The following NT5DC1 variants were observed in gnomAD, a reference collection of about 807,000 sequenced individuals.
NT5DC1 encodes the protein 5'-nucleotidase domain containing 1.
NT5DC1 carries 42 observed loss-of-function variants against 59.4 expected under a neutral mutation model. The ratio of observed to expected loss-of-function variants is 0.71; its 90% CI spans 0.55 to 0.92. NT5DC1 has a LOEUF of 0.92. NT5DC1 is among the 40% of genes least tolerant of loss of function. The probability of loss-of-function intolerance (pLI) is 0.00; values close to 1 mark genes in which losing one functional copy is unlikely to be tolerated. For synonymous variants in NT5DC1, 172 were observed against 188.1 expected (o/e 0.91, Z 0.70); for missense variants, 501 against 537.1 (o/e 0.93, Z 0.66).
chr6:116,186,674 G>T (rs527813029), intron 6 of NT5DC1, among the ~76,000 whole-genome samples: 18 of 152,066 alleles, frequency 1.2e-4, no homozygotes, highest in Non-Finnish European at 2.5e-4. Context: ...CTGTTGCTGC[G>T]AGTTTCCAGT....
intron 8 of NT5DC1, among the ~76,000 whole-genome samples, chr6:116,229,139 A>C (rs1781961196): frequency 1.3e-5 from 2 of 152,176 alleles, no homozygotes; most frequent in African/African-American, 2.4e-5. Context: ...CATTTTAGTT[A>C]CTTTTCCAAG....
intron 6 of NT5DC1, chr6:116,120,771 C>T: frequency 6.2e-7 from 1 of 1,613,090 alleles, no homozygotes; most frequent in East Asian, 2.2e-5. Flanking sequence ...CCTCTAGTAC[C>T]TGGTATTCCA....
Position 116,221,160 on chromosome 6 carries a change from G to A in NT5DC1, c.636G>A (p.Gly212=), listed in dbSNP as rs548585172. Reference sequence around the variant, plus strand: ...GGCTTCGACAGCTAAAGAATGCTGGGAAAATTCTTCTGTTAATTACCAGTT... The same window carrying A: ...GGCTTCGACAGCTAAAGAATGCTGGAAAAATTCTTCTGTTAATTACCAGTT... ...KKWLRQLKNA[G]KILLLITSSH... is the part of the protein sequence containing the mutation. The change falls in exon 7 of 12, where the codon GGG becomes GGA. Residue 212 remains glycine (G), a synonymous_variant. Coordinates refer to ENST00000319550, the MANE Select transcript of NT5DC1 (RefSeq NM_152729.3). The A allele has an allele frequency of 1.4e-5, 22 of 1,594,476 alleles. No homozygotes were observed. The highest frequency in any genetic ancestry group is 1.8e-5 in the Non-Finnish European group (21 of 1,162,496).
rs528298404 is a variant in NT5DC1 at position 116,159,931 on chromosome 6, C to T, written c.529+41986C>T. On this transcript the variant is annotated intron_variant, in intron 6 of 11. Coordinates refer to ENST00000319550, the MANE Select transcript of NT5DC1 (RefSeq NM_152729.3). ...GCCTCCAGCTCTATCCATGTTGTTG[C>T]AAAGGACACAATTTCATTACTTTTT... Among the ~76,000 whole-genome samples the T allele has an allele frequency of 2.6e-5, 4 of 152,252 alleles. No individual in the cohort carries two copies. The East Asian group carries it at 7.7e-4, about 29-fold the overall frequency.
Position 116,133,538 on chromosome 6 carries a change from G to C in NT5DC1, c.529+15593G>C, listed in dbSNP as rs1017058137. On this transcript the variant is annotated intron_variant, in intron 6 of 11. Transcript: ENST00000319550. ...CCTATAGGGCACCTGAGTACCTGTA[G>C]GGTCTGTGTGGCAACACAGACCACC... 3.3e-5 allele frequency among the ~76,000 whole-genome samples: 5 copies of C among 152,054 alleles called. No homozygotes were observed. The East Asian group carries it at 7.7e-4, about 23-fold the overall frequency.
At chr6:116,164,935 T>TA (rs1384020319) in intron 6 of NT5DC1, among the ~76,000 whole-genome samples, 1 of 151,426 alleles carries the variant, frequency 6.6e-6, no homozygotes, top group Non-Finnish European at 1.5e-5. Flanking sequence ...AATAAATAAA[T>TA]AAAATACAAA....
chr6:116,129,134 A>T (rs1409971187), intron 6 of NT5DC1, among the ~76,000 whole-genome samples: 1 of 152,080 alleles, frequency 6.6e-6, no homozygotes, highest in African/African-American at 2.4e-5. Context: ...TTTTTTCTTT[A>T]AAACAATGTC....
At chr6:116,132,805 C>T (rs553234021) in intron 6 of NT5DC1, among the ~76,000 whole-genome samples, 10 of 152,008 alleles carry the variant, frequency 6.6e-5, no homozygotes, top group African/African-American at 1.9e-4. Context: ...GGAAAAGTGC[C>T]GAGAAGTTTA....
intron 6 of NT5DC1, chr6:116,120,886 A>T (rs1476515377): frequency 6.2e-7 from 1 of 1,613,514 alleles, no homozygotes; most frequent in African/African-American, 1.3e-5. Context: ...CTCCAGGATC[A>T]CCTTTTGGAC....
intron 5 of NT5DC1, among the ~76,000 whole-genome samples, chr6:116,117,447 G>C (rs760399809): frequency 6.6e-6 from 1 of 152,092 alleles, no homozygotes; most frequent in Non-Finnish European, 1.5e-5. Flanking sequence ...TTATGATGGG[G>C]TTTTTTCCTG....
chr6:116,214,240 T>C (rs571165101), intron 6 of NT5DC1, among the ~76,000 whole-genome samples: 79 of 152,234 alleles, frequency 5.2e-4, no homozygotes, highest in African/African-American at 1.8e-3. Context: ...GAATGTCAAA[T>C]AGTACACTGA....
At chr6:116,112,685 G>A (rs1212698661) in intron 4 of NT5DC1, among the ~76,000 whole-genome samples, 1 of 152,110 alleles carries the variant, frequency 6.6e-6, no homozygotes. Context: ...GTTGTATCTG[G>A]TGTTTCACCA....
At chr6:116,124,853 G>A (rs757219733) in intron 6 of NT5DC1, among the ~76,000 whole-genome samples, 7 of 152,068 alleles carry the variant, frequency 4.6e-5, no homozygotes, top group African/African-American at 1.7e-4. Context: ...TTCATTGTTG[G>A]GGGGGAGGCC....
chr6:116,174,879 A>T (rs1398512565), intron 6 of NT5DC1, among the ~76,000 whole-genome samples: 1 of 152,190 alleles, frequency 6.6e-6, no homozygotes, highest in Non-Finnish European at 1.5e-5. Flanking sequence ...AAGCCATTTT[A>T]GGATAGCAAG....
intron 9 of NT5DC1, chr6:116,237,691 G>A: frequency 3.1e-6 from 1 of 325,656 alleles, no homozygotes; most frequent in South Asian, 2.6e-5. Flanking sequence ...AGACTACCTA[G>A]GGAACTTTCC....
chr6:116,138,919 GGTAA>G (rs1262297160), intron 6 of NT5DC1, among the ~76,000 whole-genome samples: 2 of 152,034 alleles, frequency 1.3e-5, no homozygotes, highest in Non-Finnish European at 2.9e-5. Flanking sequence ...TTCTCACATT[GGTAA>G]GTGTTAGTTT....
At chr6:116,197,555 T>C (rs575746097) in intron 6 of NT5DC1, among the ~76,000 whole-genome samples, 1 of 152,136 alleles carries the variant, frequency 6.6e-6, no homozygotes, top group East Asian at 1.9e-4. Flanking sequence ...TTTTAGTTGC[T>C]GTAGTGCAGA....
intron 8 of NT5DC1, among the ~76,000 whole-genome samples, chr6:116,230,797 G>A (rs1782003996): frequency 6.6e-6 from 1 of 152,176 alleles, no homozygotes; most frequent in Non-Finnish European, 1.5e-5. Context: ...GAAATTGTCT[G>A]CTGAACTTTG....
chr6:116,204,639 A>G (rs899255861), intron 6 of NT5DC1, among the ~76,000 whole-genome samples: 17 of 152,006 alleles, frequency 1.1e-4, no homozygotes, highest in Non-Finnish European at 2.1e-4. Context: ...AAGTACTCAT[A>G]TGTATACATG....
Sources: gnomAD v4.1 joint callset for allele counts (sites outside exome capture counted in the v4.1 genomes callset) on GRCh38, gnomAD v4.1.1 for gene constraint, MANE v1.5 for transcripts, NCBI Gene and HGNC (gene_info 2026-07-23, HGNC 2026-07-21) for gene names.